The following XKR6 variants were observed in gnomAD, a reference collection of about 807,000 sequenced individuals.
XKR6 encodes the protein XK-related protein 6.
XKR6 carries 22 observed loss-of-function variants against 56.7 expected under a neutral mutation model. The ratio of observed to expected loss-of-function variants is 0.39; its 90% CI spans 0.28 to 0.55. The LOEUF is 0.55. Ranked by LOEUF, XKR6 falls within the 20% of genes least tolerant of loss-of-function variation. The probability of loss-of-function intolerance (pLI) is 0.66; values close to 1 mark genes in which losing one functional copy is unlikely to be tolerated. For synonymous variants in XKR6, 524 were observed against 387.8 expected (o/e 1.35, Z -4.13); for missense variants, 852 against 889.0 (o/e 0.96, Z 0.53).
intron 1 of XKR6, among the ~76,000 whole-genome samples, chr8:10,974,265 G>A (rs945642905): frequency 6.6e-5 from 10 of 152,190 alleles, no homozygotes; most frequent in East Asian, 3.9e-4. Flanking sequence ...TGAATAAGCC[G>A]GGAATTAGAG....
intron 2 of XKR6, among the ~76,000 whole-genome samples, chr8:10,915,569 A>G (rs1800539262): frequency 6.6e-6 from 1 of 151,938 alleles, no homozygotes; most frequent in Non-Finnish European, 1.5e-5. Context: ...GGGCGACCTC[A>G]GTGCAGGGCC....
At chr8:10,925,054 G>C (rs1038589218) in intron 1 of XKR6, among the ~76,000 whole-genome samples, 1 of 152,122 alleles carries the variant, frequency 6.6e-6, no homozygotes, top group Non-Finnish European at 1.5e-5. Context: ...TTGACCCCTC[G>C]TGGACCCCTA....
At chr8:10,998,420 C>G (rs1341087828) in intron 1 of XKR6, among the ~76,000 whole-genome samples, 5 of 152,182 alleles carry the variant, frequency 3.3e-5, no homozygotes, top group African/African-American at 4.8e-5. Context: ...AAAAATAGCC[C>G]AAATTCCTAG....
At chr8:11,088,458 C>G (rs769648429) in intron 1 of XKR6, among the ~76,000 whole-genome samples, 1 of 152,206 alleles carries the variant, frequency 6.6e-6, no homozygotes, top group Non-Finnish European at 1.5e-5. Context: ...TGTCTTCCCT[C>G]TCCAACCAAG....
At position 10,941,183 on chromosome 8, in the gene XKR6, C is replaced by T. The variant is rs113847268; in HGVS notation, c.765-16353G>A. On this transcript the variant is annotated intron_variant, in intron 1 of 2. Coordinates refer to ENST00000416569, the MANE Select transcript of XKR6 (RefSeq NM_173683.4). ...TCTACCCTCTCTCCTGTCCTTCCTC[C>T]GGGTTCACAGCCTCCTCCCACCGAC... Among the ~76,000 whole-genome samples, 229 of 152,252 alleles carry T rather than the reference C, an allele frequency of 1.5e-3. 1 individual carries two copies. The highest frequency in any genetic ancestry group is 6.9e-3 in the Admixed American group (105 of 15,304).
chr8:10,953,298 G>T (rs939582861), intron 1 of XKR6, among the ~76,000 whole-genome samples: 6 of 152,162 alleles, frequency 3.9e-5, no homozygotes, highest in African/African-American at 1.4e-4. Flanking sequence ...CCTCGAGAGA[G>T]TGAGTGAATT....
intron 1 of XKR6, among the ~76,000 whole-genome samples, chr8:10,951,283 A>G (rs1801711766): frequency 9.3e-6 from 1 of 107,172 alleles, no homozygotes; most frequent in African/African-American, 3.9e-5. Flanking sequence ...AGGGATAGAA[A>G]AGTGTGTGTG....
intron 1 of XKR6, among the ~76,000 whole-genome samples, chr8:11,082,517 G>A (rs558738360): frequency 5.0e-4 from 76 of 152,342 alleles, no homozygotes; most frequent in African/African-American, 1.6e-3. Flanking sequence ...GTGTTCTTGC[G>A]TTGTCTCTGA....
At chr8:11,073,890 A>C (rs953076539) in intron 1 of XKR6, among the ~76,000 whole-genome samples, 4 of 152,150 alleles carry the variant, frequency 2.6e-5, no homozygotes, top group Non-Finnish European at 4.4e-5. Context: ...GGGCTTCCCT[A>C]CCCACTCAGT....
chr8:10,938,267 G>C (rs1380395474), intron 1 of XKR6, among the ~76,000 whole-genome samples: 3 of 152,122 alleles, frequency 2.0e-5, no homozygotes, highest in East Asian at 3.9e-4. Flanking sequence ...GCTCGCGCAC[G>C]GTGCGCGCAC....
intron 1 of XKR6, among the ~76,000 whole-genome samples, chr8:11,033,454 ATGATGG>A (rs1799056659): frequency 6.6e-6 from 1 of 151,964 alleles, no homozygotes; most frequent in African/African-American, 2.4e-5. Flanking sequence ...CGTAATGATG[ATGATGG>A]TAATGATGGT....
At chr8:11,113,787 G>C (rs767047988) in intron 1 of XKR6, 2 of 157,820 alleles carry the variant, frequency 1.3e-5, no homozygotes, top group Non-Finnish European at 2.8e-5. Context: ...AGCTCTAAAA[G>C]GTTTAATTAG....
chr8:11,200,633 A>G lies in XKR6; in HGVS notation c.707T>C (p.Leu236Pro). 1.3e-6 allele frequency: 2 copies of G among 1,550,614 alleles called. No homozygotes were observed. The highest frequency in any genetic ancestry group is 1.7e-6 in the Non-Finnish European group (2 of 1,159,102). ...GACCGACTGCCAGATCCACACGGAG[A>G]GGCGACACAGGCGCTGCGCCCCCGG... ...PTPGAQRLCRLSVWIWQSVIH... is the reference protein window; with the variant it reads ...PTPGAQRLCRPSVWIWQSVIH... Residue 236 changes from leucine (L) to proline (P), a missense_variant, in exon 1 of 3, where the codon CTC (leucine) becomes CCC (proline). Coordinates refer to ENST00000416569, the MANE Select transcript of XKR6 (RefSeq NM_173683.4). The surrounding 1 kb of genome is among the most constrained non-coding windows in gnomAD (Gnocchi z 6.4).
Position 11,077,396 on chromosome 8 carries a change from G to A in XKR6, c.764+123180C>T, listed in dbSNP as rs142264954. Reference sequence around the variant, plus strand: ...CACATGGGGTGCCTGCAGCCCTGGGGCGCTCTGTGAGGTCATCTCCCTTAC... The same window carrying A: ...CACATGGGGTGCCTGCAGCCCTGGGACGCTCTGTGAGGTCATCTCCCTTAC... On this transcript the variant is annotated intron_variant, in intron 1 of 2. Transcript: ENST00000416569. 2.3e-3 allele frequency among the ~76,000 whole-genome samples: 357 copies of A among 152,282 alleles called. 1 individual carries two copies. Among genetic ancestry groups the A allele is most frequent in the African/African-American group, 8.4e-3 (349 of 41,572 alleles).
At chr8:11,037,366 C>A (rs905829230) in intron 1 of XKR6, among the ~76,000 whole-genome samples, 1 of 152,210 alleles carries the variant, frequency 6.6e-6, no homozygotes, top group African/African-American at 2.4e-5. Flanking sequence ...GCTGAGACTA[C>A]AGGTGCACAT....
At chr8:10,909,199 GTC>G (rs140030182) in intron 2 of XKR6, among the ~76,000 whole-genome samples, 5 of 150,394 alleles carry the variant, frequency 3.3e-5, no homozygotes, top group Admixed American at 6.6e-5. Flanking sequence ...CCTGAGCTCT[GTC>G]TCTCTCTCTC....
intron 1 of XKR6, among the ~76,000 whole-genome samples, chr8:11,102,030 T>G (rs1055155887): frequency 6.6e-6 from 1 of 152,120 alleles, no homozygotes; most frequent in Non-Finnish European, 1.5e-5. Flanking sequence ...TCCAGCAACA[T>G]TTAGAAACAG....
intron 2 of XKR6, among the ~76,000 whole-genome samples, chr8:10,906,283 C>T (rs1800187986): frequency 6.6e-6 from 1 of 152,172 alleles, no homozygotes; most frequent in African/African-American, 2.4e-5. Flanking sequence ...AAACATTTAC[C>T]AGCACACCAC....
At chr8:11,010,230 A>G (rs1798468901) in intron 1 of XKR6, among the ~76,000 whole-genome samples, 1 of 152,230 alleles carries the variant, frequency 6.6e-6, no homozygotes, top group Admixed American at 6.5e-5. Context: ...CTCACTTGCT[A>G]TCACAAGACT....
Sources: allele counts gnomAD v4.1 joint callset (sites outside exome capture counted in the v4.1 genomes callset), GRCh38; gene constraint gnomAD v4.1.1; non-coding constraint Gnocchi (gnomAD v3.1); transcripts MANE v1.5; gene names NCBI Gene and HGNC (gene_info 2026-07-23, HGNC 2026-07-21).